Variants in KIF17 observed in about 807,000 individuals in gnomAD.
The protein encoded by KIF17 is kinesin family member 17, also known as kinesin-like protein KIF17.
In KIF17, 80 loss-of-function variants were observed where a neutral mutation model predicts 96.8. That is an observed-to-expected ratio of 0.83 (90% CI 0.69 to 1.00). The LOEUF is 1.00. Ranked by LOEUF, KIF17 falls within the 50% of genes least tolerant of loss-of-function variation. The pLI, the probability that KIF17 is intolerant of heterozygous loss-of-function variation, is 0.00. For missense variants in KIF17, 1,280 were observed against 1,372.9 expected, an observed-to-expected ratio of 0.93 and a Z score of 1.07; for synonymous variants, 567 against 587.5, an observed-to-expected ratio of 0.97 and a Z score of 0.51.
At chr1:20,712,653 T>TTATCTATATATAATATAGATAA (rs2054471549) in intron 3 of KIF17, among the ~76,000 whole-genome samples, 1 of 67,914 alleles carries the variant, frequency 1.5e-5, no homozygotes, top group African/African-American at 7.5e-5. Context: ...ATAGATAATA[T>TTATCTATATATAATATAGATAA]TATCTATATA....
intron 4 of KIF17, among the ~76,000 whole-genome samples, chr1:20,707,075 G>A (rs2054355134): frequency 6.6e-6 from 1 of 151,828 alleles, no homozygotes; most frequent in Non-Finnish European, 1.5e-5. Flanking sequence ...CAGCCTAGGT[G>A]GCAGAGTGAG....
chr1:20,709,188 C>T lies in KIF17; in HGVS notation c.670+451G>A, dbSNP rs991871503. ...GGAGTATTGCTTGAGCTCAGGAGTTCAAGACCAACCTGGGCAACACAGCAA... is the reference window on the plus strand; with the variant it reads ...GGAGTATTGCTTGAGCTCAGGAGTTTAAGACCAACCTGGGCAACACAGCAA... On this transcript the variant is annotated intron_variant, in intron 4 of 14. Coordinates refer to ENST00000400463, the MANE Select transcript of KIF17 (RefSeq NM_001122819.3). The surrounding 1 kb of genome is among the most constrained non-coding windows in gnomAD (Gnocchi z 4.7). 1.3e-5 allele frequency among the ~76,000 whole-genome samples: 2 copies of T among 152,098 alleles called. No homozygotes were observed. Among genetic ancestry groups the T allele is most frequent in the Non-Finnish European group, 2.9e-5 (2 of 68,026 alleles).
At chr1:20,690,507 T>G (rs967976546) in intron 6 of KIF17, among the ~76,000 whole-genome samples, 172 bp from the exon 7 acceptor site, 9 of 152,016 alleles carry the variant, frequency 5.9e-5, no homozygotes, top group Non-Finnish European at 1.3e-4. Flanking sequence ...CTTTCCAAAC[T>G]GTTCTCAATG....
rs761824033 is a variant in KIF17, at chr1:20,687,744, C to T, written c.1582G>A (p.Glu528Lys). 1.9e-6 allele frequency: 3 copies of T among 1,614,194 alleles called. No individual in the cohort carries two copies. The South Asian group carries it at 3.3e-5, about 18-fold the overall frequency. Residue 528 changes from glutamate (E) to lysine (K), a missense_variant, in exon 8 of 15, where the codon GAA becomes AAA. Physicochemically the swap from Glu to Lys is moderately conservative, Grantham distance 56. Transcript: ENST00000400463. This position sits in a 1 kb window ranked among gnomAD's most constrained non-coding sequence, Gnocchi z 4.4. ...SSRFAELPKV[E>K]PSKSEISLGS... ...AGAGAAATCTCAGATTTGGAGGGTT[C>T]CACCTTGGGCAGCTCCGCAAACCTG...
At chr1:20,696,384 T>G (rs991614341) in intron 6 of KIF17, among the ~76,000 whole-genome samples, 1 of 152,142 alleles carries the variant, frequency 6.6e-6, no homozygotes, top group African/African-American at 2.4e-5. Context: ...CACAGACATC[T>G]TCAACGCTTC....
rs1570483377 is a variant in KIF17, at chr1:20,712,547, G to GATATTATCTATATTATATATATAGATA, written c.480+880_480+906dup. 8.3e-4 allele frequency among the ~76,000 whole-genome samples: 57 copies of GATATTATCTATATTATATATATAGATA among 68,340 alleles called. 8 individuals are homozygous for GATATTATCTATATTATATATATAGATA. In the South Asian group the frequency reaches 9.8e-3, roughly 12 times the overall value. The allele number at this position is 68,340 out of a possible 152,430, so 44.8% of individuals were successfully genotyped here. A position where few individuals can be genotyped will look rare whatever the true frequency, so the allele number is the denominator to read the frequency against. ...TTGTCATATATATATCTATATTATA[G>GATATTATCTATATTATATATATAGATA]ATATTATCTATATTATATATATAGA... On this transcript the variant is annotated intron_variant, in intron 3 of 14. Transcript: ENST00000400463.
At chr1:20,669,238 G>A (rs939480977) in intron 13 of KIF17, among the ~76,000 whole-genome samples, 5 of 151,994 alleles carry the variant, frequency 3.3e-5, no homozygotes, top group Admixed American at 1.3e-4. Context: ...GAAGAGTTTC[G>A]TTGAAAACAC....
At chr1:20,701,333 A>G (rs1486305497) in intron 5 of KIF17, among the ~76,000 whole-genome samples, 1 of 152,172 alleles carries the variant, frequency 6.6e-6, no homozygotes, top group Non-Finnish European at 1.5e-5. Flanking sequence ...TGGGAGGCTG[A>G]GGCAGGAGAA....
At chr1:20,712,890 GATAATATT>G (rs2054497803) in intron 3 of KIF17, among the ~76,000 whole-genome samples, 1 of 82,558 alleles carries the variant, frequency 1.2e-5, no homozygotes, top group Non-Finnish European at 2.0e-5. Flanking sequence ...ATATAATATA[GATAATATT>G]ATCTATATTA....
At chr1:20,710,294 G>C (rs1383961775) in intron 3 of KIF17, among the ~76,000 whole-genome samples, 1 of 152,168 alleles carries the variant, frequency 6.6e-6, no homozygotes, top group Admixed American at 6.5e-5. Context: ...TGAGCCCTGA[G>C]TGCTGTCTCC....
chr1:20,713,374 T>G (rs1362654638), intron 3 of KIF17, 80 bp downstream of exon 3: 1 of 1,037,908 alleles, frequency 9.6e-7, no homozygotes, highest in Middle Eastern at 2.8e-4. Context: ...CAGGACACTT[T>G]CCCATATTTC....
At chr1:20,677,520 G>T (rs1056750352) in intron 11 of KIF17, among the ~76,000 whole-genome samples, 1 of 152,142 alleles carries the variant, frequency 6.6e-6, no homozygotes, top group African/African-American at 2.4e-5. Context: ...GACTCAATAA[G>T]CAATGATCCA....
chr1:20,662,598 T>G (rs3753835), downstream of KIF17, among the ~76,000 whole-genome samples: 28,940 of 151,954 alleles, frequency 0.19, 2,857 homozygotes, highest in Non-Finnish European at 0.2. Flanking sequence ...CAGTACCACA[T>G]CCGCCCGCCT....
At chr1:20,684,610 G>A (rs1282062748) in intron 10 of KIF17, among the ~76,000 whole-genome samples, 199 bp downstream of exon 10, 1 of 152,212 alleles carries the variant, frequency 6.6e-6, no homozygotes, top group Non-Finnish European at 1.5e-5. Context: ...GCCTGACAAG[G>A]GATGCTGGTG....
Position 20,715,517 on chromosome 1 carries a change from G to A in KIF17, c.354C>T (p.Phe118=), listed in dbSNP as rs79832278. ...PSQRGIIPRA[F]EHVFESVQCA... is the part of the protein sequence containing the mutation. The stretch of plus-strand genomic sequence containing the variant: ...CCTGGACGCTCTCGAACACGTGCTC[G>A]AAGGCCCTGGGGATGATGCCTCTCT... Residue 118 remains phenylalanine (F), a synonymous_variant, in exon 2 of 15, where the codon TTC becomes TTT. Transcript: ENST00000400463. 52 of 1,613,366 alleles carry A rather than the reference G, an allele frequency of 3.2e-5. 1 individual carries two copies. In the African/African-American group the frequency reaches 3.3e-4, roughly 10 times the overall value.
At chr1:20,667,836 T>C (rs537871493) in intron 13 of KIF17, among the ~76,000 whole-genome samples, 2 of 152,116 alleles carry the variant, frequency 1.3e-5, no homozygotes, top group Admixed American at 6.5e-5. Context: ...GGAGAAACCC[T>C]GTCTCTACTA....
intron 1 of KIF17, among the ~76,000 whole-genome samples, chr1:20,716,863 G>C (rs1211874466): frequency 2.0e-5 from 3 of 152,238 alleles, no homozygotes; most frequent in East Asian, 1.9e-4. Context: ...GAGCTCATGA[G>C]CTTGCAAATT....
chr1:20,665,955 A>G (rs1417482919), intron 14 of KIF17, among the ~76,000 whole-genome samples: 1 of 152,186 alleles, frequency 6.6e-6, no homozygotes, highest in Non-Finnish European at 1.5e-5. Flanking sequence ...CTGAGTGCCT[A>G]CTAGGGGCCA....
chr1:20,691,670 TG>T (rs1283131724), intron 6 of KIF17, among the ~76,000 whole-genome samples: 4 of 150,754 alleles, frequency 2.7e-5, no homozygotes, highest in Admixed American at 6.6e-5. Flanking sequence ...AGTTTCACCA[TG>T]TTGGCTAGGC....
Sources: allele counts gnomAD v4.1 joint callset (sites outside exome capture counted in the v4.1 genomes callset), GRCh38; gene constraint gnomAD v4.1.1; non-coding constraint Gnocchi (gnomAD v3.1); transcripts MANE v1.5; gene names NCBI Gene and HGNC (gene_info 2026-07-23, HGNC 2026-07-21).